CNOT2: variants seen among roughly 807,000 people sequenced by gnomAD.
The protein encoded by CNOT2 is CC chemokine receptor 4-negative regulator of transcription 2.
In CNOT2, 7 loss-of-function variants were observed where a neutral mutation model predicts 72.1. That is an observed-to-expected ratio of 0.10 (90% CI 0.06 to 0.18). CNOT2 has a LOEUF of 0.18. Among genes scored for constraint, CNOT2 ranks in the 10% least tolerant of loss-of-function variants. CNOT2 has a pLI of 1.00. For synonymous variants in CNOT2, 196 were observed against 225.6 expected (o/e 0.87, Z 1.17); for missense variants, 345 against 660.3 (o/e 0.52, Z 5.23).
At chr12:70,288,242 C>A (rs1158862028) in intron 2 of CNOT2, among the ~76,000 whole-genome samples, 1 of 124,968 alleles carries the variant, frequency 8.0e-6, no homozygotes, top group Non-Finnish European at 1.7e-5. Context: ...CTGCCTGGTT[C>A]AAGCAATTCT....
intron 2 of CNOT2, among the ~76,000 whole-genome samples, chr12:70,309,759 A>G (rs182464835): frequency 6.6e-6 from 1 of 152,240 alleles, no homozygotes; most frequent in African/African-American, 2.4e-5. Context: ...CTTGATTTTC[A>G]AAGTACTGTT....
chr12:70,257,786 C>T (rs1024565725), intron 1 of CNOT2, among the ~76,000 whole-genome samples: 8 of 152,128 alleles, frequency 5.3e-5, no homozygotes, highest in African/African-American at 1.9e-4. Flanking sequence ...CAAGTTCAGT[C>T]TAGTTCATTA....
chr12:70,315,496 A>T (rs1281456644), intron 3 of CNOT2, among the ~76,000 whole-genome samples: 1 of 151,984 alleles, frequency 6.6e-6, no homozygotes, highest in Admixed American at 6.6e-5. Flanking sequence ...TAAAACTTAA[A>T]TATCATTTTT....
In CNOT2 at chr12:70,332,653, G is replaced by A. The variant is rs960503844; in HGVS notation, c.570-114G>A. The A allele has an allele frequency of 1.4e-5, 18 of 1,313,410 alleles. No individual in the cohort carries two copies. In the Admixed American group the frequency reaches 1.8e-4, roughly 13 times the overall value. The allele number at this position is 1,313,410 out of a possible 1,614,324, so 81.4% of individuals were successfully genotyped here. On this transcript the variant is annotated intron_variant, in intron 6 of 15. Coordinates refer to ENST00000229195, the MANE Select transcript of CNOT2 (RefSeq NM_014515.7). The stretch of plus-strand genomic sequence containing the variant: ...ATTCAGAAAAATAATATTAGTGTTG[G>A]TTTTGAAACATATTGTTATTTTATA...
At chr12:70,350,863 A>T (rs191023077) in intron 15 of CNOT2, among the ~76,000 whole-genome samples, 1 of 152,280 alleles carries the variant, frequency 6.6e-6, no homozygotes, top group East Asian at 1.9e-4. Flanking sequence ...CTGACATTTC[A>T]TGAGAATTTG....
At chr12:70,300,109 T>G (rs1413998317) in intron 2 of CNOT2, among the ~76,000 whole-genome samples, 2 of 152,244 alleles carry the variant, frequency 1.3e-5, no homozygotes, top group African/African-American at 4.8e-5. Flanking sequence ...CATTGTAGAT[T>G]CTGGATATTA....
At chr12:70,315,083 C>T (rs1337571144) in intron 3 of CNOT2, among the ~76,000 whole-genome samples, 1 of 152,084 alleles carries the variant, frequency 6.6e-6, no homozygotes, top group African/African-American at 2.4e-5. Flanking sequence ...AGGCCGGTCA[C>T]GAACTCCTGA....
chr12:70,327,208 G>A (rs1879212779), intron 4 of CNOT2, among the ~76,000 whole-genome samples: 1 of 150,370 alleles, frequency 6.7e-6, no homozygotes, highest in South Asian at 2.1e-4. Flanking sequence ...TGTAGAGAGG[G>A]TGAAAAGTAA....
At chr12:70,288,136 C>CTTTTTTTTTTTTTT (rs68143994) in intron 2 of CNOT2, among the ~76,000 whole-genome samples, 6 of 86,668 alleles carry the variant, frequency 6.9e-5, no homozygotes, top group Non-Finnish European at 1.1e-4. Flanking sequence ...TGGTGTAGCT[C>CTTTTTTTTTTTTTT]TTTTTTTTTT....
At chr12:70,312,489 CA>C (rs1876636502) in intron 3 of CNOT2, among the ~76,000 whole-genome samples, 1 of 151,840 alleles carries the variant, frequency 6.6e-6, no homozygotes, top group Non-Finnish European at 1.5e-5. Context: ...TATGTCTTCT[CA>C]AAAGCAGAAA....
intron 2 of CNOT2, among the ~76,000 whole-genome samples, chr12:70,291,190 A>G (rs1871840205): frequency 6.6e-6 from 1 of 152,196 alleles, no homozygotes. Flanking sequence ...GCTGTCAGGT[A>G]AAAATTTTAC....
At chr12:70,313,466 CT>C (rs1876808001) in intron 3 of CNOT2, among the ~76,000 whole-genome samples, 1 of 151,902 alleles carries the variant, frequency 6.6e-6, no homozygotes, top group African/African-American at 2.4e-5. Context: ...TCTTATAATA[CT>C]TTTATGTTTT....
intron 15 of CNOT2, chr12:70,348,136 C>T (rs1038062773): frequency 6.6e-6 from 1 of 152,128 alleles, no homozygotes; most frequent in Non-Finnish European, 1.5e-5. Context: ...GTGCTTGGCA[C>T]ACGTTGGGTA....
chr12:70,271,957 C>T (rs891940563), intron 1 of CNOT2, among the ~76,000 whole-genome samples: 11 of 152,164 alleles, frequency 7.2e-5, no homozygotes, highest in African/African-American at 2.7e-4. Flanking sequence ...ATCCTACACT[C>T]AAAAGCTTGT....
intron 4 of CNOT2, among the ~76,000 whole-genome samples, chr12:70,325,215 G>A (rs73324126): frequency 8.4e-4 from 127 of 151,972 alleles, no homozygotes; most frequent in African/African-American, 2.7e-3. Context: ...TATGTAGTGT[G>A]TAAACAGAGT....
At position 70,282,387 on chromosome 12, in the gene CNOT2, G is replaced by A. The variant is rs574620475; in HGVS notation, c.48+4113G>A. ...ATTGTATTTTTGTGGAATATAGTAT[G>A]TCAGAGAACTGTAAAAATGATTGTA... is the stretch of plus-strand genomic sequence containing the variant. On this transcript the variant is annotated intron_variant, in intron 2 of 15. Coordinates refer to ENST00000229195, the MANE Select transcript of CNOT2 (RefSeq NM_014515.7). Among the ~76,000 whole-genome samples, 13 of 152,258 alleles carry A rather than the reference G, an allele frequency of 8.5e-5. No homozygotes were observed. The East Asian group carries it at 2.5e-3, about 29-fold the overall frequency.
intron 3 of CNOT2, among the ~76,000 whole-genome samples, chr12:70,313,020 T>C (rs1227138915): frequency 6.6e-6 from 1 of 152,028 alleles, no homozygotes; most frequent in Non-Finnish European, 1.5e-5. Context: ...AAAAAGTTTG[T>C]ACCAGTTTTT....
Position 70,329,512 on chromosome 12 carries a change from G to A in CNOT2, c.328G>A (p.Val110Ile), listed in dbSNP as rs1161007517. Residue 110 changes from valine (V) to isoleucine (I), a missense_variant, in exon 5 of 16, where the codon GTC (valine) becomes ATC (isoleucine). Physicochemically the swap from Val to Ile is conservative, Grantham distance 29. Transcript: ENST00000229195. ...ACAAGGCACTCAGTTACCGAGCCAC[G>A]TCACGCCAACAACAGGGGTACCAAC... ...LSQGTQLPSH[V>I]TPTTGVPTMS... is the part of the protein sequence containing the mutation. 2.5e-6 allele frequency: 4 copies of A among 1,611,122 alleles called. No homozygotes were observed. Among genetic ancestry groups the A allele is most frequent in the South Asian group, 1.1e-5 (1 of 91,022 alleles).
chr12:70,342,059 A>C (rs891404147), intron 11 of CNOT2, 48 bp from the exon 12 acceptor site: 2 of 1,117,300 alleles, frequency 1.8e-6, no homozygotes, highest in African/African-American at 3.1e-5. Flanking sequence ...TAAAATTAGA[A>C]ATCTCTTTTT....
Sources: gnomAD v4.1 joint callset for allele counts (sites outside exome capture counted in the v4.1 genomes callset) on GRCh38, gnomAD v4.1.1 for gene constraint, MANE v1.5 for transcripts, NCBI Gene and HGNC (gene_info 2026-07-23, HGNC 2026-07-21) for gene names.